The following ASH1L variants were observed in gnomAD, a reference collection of about 807,000 sequenced individuals.
ASH1L encodes the protein ASH1 like histone lysine methyltransferase, also known as histone-lysine N-methyltransferase ASH1L.
Under a neutral mutation model 269.0 loss-of-function variants are expected in ASH1L, and 23 were observed. That is an observed-to-expected ratio of 0.09 (90% CI 0.06 to 0.12). The LOEUF is 0.12. ASH1L is among the 10% of genes least tolerant of loss of function. The pLI is 1.00. For missense variants in ASH1L, 2,912 were observed against 3,567.8 expected (o/e 0.82, Z 4.68); for synonymous variants, 1,187 against 1,253.5 (o/e 0.95, Z 1.12).
chr1:155,558,361 T>C (rs990605368), intron 1 of ASH1L, among the ~76,000 whole-genome samples: 4 of 151,908 alleles, frequency 2.6e-5, no homozygotes, highest in East Asian at 1.9e-4. Context: ...ATCCCAGCTA[T>C]TGGGGAGGCT....
intron 17 of ASH1L, among the ~76,000 whole-genome samples, chr1:155,352,297 CAAAA>C (rs1281473342): frequency 2.1e-4 from 6 of 28,118 alleles, no homozygotes; most frequent in Non-Finnish European, 4.6e-4. Flanking sequence ...ACCTCCATCT[CAAAA>C]AAAAAAAAAA....
At position 155,438,443 on chromosome 1, in the gene ASH1L, T is replaced by C. The variant is rs1305479176; in HGVS notation, c.5712A>G (p.Val1904=). ...TDVIEAVVQS[V]NLNPEHKKGL... ...CCTTTTTATGTTCTGGGTTCAGATTTACACTCTGAACAACAGCCTCAATTA... is the reference window on the plus strand; with the variant it reads ...CCTTTTTATGTTCTGGGTTCAGATTCACACTCTGAACAACAGCCTCAATTA... The change falls in exon 5 of 28, where the codon GTA becomes GTG. Residue 1904 remains valine, a synonymous_variant. Coordinates refer to ENST00000392403, the MANE Select transcript of ASH1L (RefSeq NM_018489.3). The C allele has an allele frequency of 6.2e-7, 1 of 1,614,074 alleles. No homozygotes were observed. Among genetic ancestry groups the C allele is most frequent in the Non-Finnish European group, 8.5e-7 (1 of 1,180,000 alleles).
At chr1:155,520,978 A>T in intron 2 of ASH1L, 122 bp downstream of exon 2, 1 of 1,119,902 alleles carries the variant, frequency 8.9e-7, no homozygotes. Context: ...GCTCACAAAA[A>T]CAAACTATCT....
chr1:155,360,446 A>T (rs1340238365), intron 12 of ASH1L, 37 bp from the exon 13 acceptor site: 30 of 1,124,390 alleles, frequency 2.7e-5, no homozygotes, highest in African/African-American at 3.2e-5. Context: ...AAGGCTGGAA[A>T]TTTTTTTTTT....
intron 6 of ASH1L, among the ~76,000 whole-genome samples, chr1:155,407,195 C>T (rs764488389): frequency 5.7e-4 from 86 of 152,012 alleles, no homozygotes; most frequent in Non-Finnish European, 6.2e-4. Flanking sequence ...TGCACTCCAG[C>T]CTGGGAGACA....
intron 5 of ASH1L, among the ~76,000 whole-genome samples, chr1:155,421,705 T>C (rs994716817): frequency 6.6e-6 from 1 of 151,826 alleles, no homozygotes; most frequent in African/African-American, 2.4e-5. Context: ...GGAGGATTTA[T>C]CTAATTTCAA....
At chr1:155,491,404 A>G (rs970139306) in intron 2 of ASH1L, among the ~76,000 whole-genome samples, 4 of 151,934 alleles carry the variant, frequency 2.6e-5, no homozygotes, top group African/African-American at 9.7e-5. Context: ...CCTGGCCAAA[A>G]TCTTTTATGT....
intron 1 of ASH1L, among the ~76,000 whole-genome samples, chr1:155,526,846 A>T (rs1006678391): frequency 1.3e-5 from 2 of 152,170 alleles, no homozygotes; most frequent in Non-Finnish European, 2.9e-5. Context: ...TCCATTTCTC[A>T]TATTTCCTCT....
intron 10 of ASH1L, among the ~76,000 whole-genome samples, chr1:155,377,597 C>T (rs1463360468): frequency 6.6e-6 from 1 of 151,932 alleles, no homozygotes; most frequent in Non-Finnish European, 1.5e-5. Context: ...ACAAAAACCC[C>T]AAAACAAGAA....
At chr1:155,428,451 A>AT (rs1207696823) in intron 5 of ASH1L, among the ~76,000 whole-genome samples, 60 of 151,796 alleles carry the variant, frequency 4.0e-4, no homozygotes, top group African/African-American at 1.4e-3. Flanking sequence ...TCAAAAAAAA[A>AT]AATATATATA....
At chr1:155,543,060 A>G (rs903282882) in intron 1 of ASH1L, among the ~76,000 whole-genome samples, 14 of 152,084 alleles carry the variant, frequency 9.2e-5, no homozygotes, top group African/African-American at 3.4e-4. Flanking sequence ...TGTACACTTT[A>G]AATTACTATA....
In ASH1L at chr1:155,343,424, G is replaced by C. The variant is rs755453867; in HGVS notation, c.8183C>G (p.Ser2728Cys). 6 of 1,614,114 alleles carry C rather than the reference G, an allele frequency of 3.7e-6. No individual in the cohort carries two copies. Among genetic ancestry groups the C allele is most frequent in the Non-Finnish European group, 5.1e-6 (6 of 1,180,058 alleles). ...TAGTTCATTATGATAGAACCGACGG[G>C]ATGGAGAGTGGTGTGTTTCGTGGGG... is the stretch of plus-strand genomic sequence containing the variant. ...FRPHETHHSP[S>C]RRFYHNELFR... Residue 2728 changes from serine to cysteine, a missense_variant, in exon 24 of 28, where the codon TCC (serine) becomes TGC (cysteine). Physicochemically the swap from Ser to Cys is moderately radical, Grantham distance 112 (BLOSUM62 -1). Around this residue, in one of 13 missense-constraint regions of ASH1L, gnomAD observed 179 missense variants for 293.8 expected, o/e 0.61. Coordinates refer to ENST00000392403, the MANE Select transcript of ASH1L (RefSeq NM_018489.3). This position sits in a 1 kb window ranked among gnomAD's most constrained non-coding sequence, Gnocchi z 6.1.
chr1:155,505,315 T>G (rs574818630), intron 2 of ASH1L, among the ~76,000 whole-genome samples: 1 of 152,206 alleles, frequency 6.6e-6, no homozygotes, highest in African/African-American at 2.4e-5. Flanking sequence ...AGCCCTTCTT[T>G]GCATATTCTC....
intron 1 of ASH1L, among the ~76,000 whole-genome samples, chr1:155,558,851 C>CTTT (rs1227615811): frequency 6.6e-5 from 9 of 136,138 alleles, no homozygotes; most frequent in African/African-American, 2.2e-4. Context: ...TTTTTCTTTT[C>CTTT]TTTTTTTTTT....
intron 7 of ASH1L, among the ~76,000 whole-genome samples, chr1:155,386,638 C>G (rs929001005): frequency 3.3e-5 from 5 of 152,130 alleles, no homozygotes; most frequent in Non-Finnish European, 7.4e-5. Flanking sequence ...AAGTGATCTG[C>G]CTGCCTTGGT....
chr1:155,493,292 A>C (rs1666935022), intron 2 of ASH1L, among the ~76,000 whole-genome samples: 1 of 152,200 alleles, frequency 6.6e-6, no homozygotes, highest in South Asian at 2.1e-4. Context: ...CATGGCTTTA[A>C]CTTTGTATCT....
intron 3 of ASH1L, among the ~76,000 whole-genome samples, chr1:155,468,024 C>T (rs918912858): frequency 2.6e-5 from 4 of 152,012 alleles, no homozygotes; most frequent in Non-Finnish European, 4.4e-5. Flanking sequence ...TAACAAAATT[C>T]CAGACTTTGT....
At chr1:155,362,579 A>T (rs1269810037) in intron 12 of ASH1L, among the ~76,000 whole-genome samples, 3 of 152,128 alleles carry the variant, frequency 2.0e-5, no homozygotes, top group Non-Finnish European at 2.9e-5. Context: ...CCACTTGCCC[A>T]AAGTTACACA....
chr1:155,353,905 AC>A (rs1182253711), intron 16 of ASH1L, among the ~76,000 whole-genome samples: 1 of 152,200 alleles, frequency 6.6e-6, no homozygotes, highest in African/African-American at 2.4e-5. Context: ...GTAGGAAGTA[AC>A]AAAGAGGGCC....
Sources: gnomAD v4.1 joint callset for allele counts (sites outside exome capture counted in the v4.1 genomes callset) on GRCh38, gnomAD v4.1.1 for gene constraint, gnomAD v4.1.1 regional missense constraint, Gnocchi (gnomAD v3.1) non-coding constraint, MANE v1.5 for transcripts, NCBI Gene and HGNC (gene_info 2026-07-23, HGNC 2026-07-21) for gene names.